The following IWS1 variants were observed in gnomAD, a reference collection of about 807,000 sequenced individuals.
IWS1 encodes the protein protein IWS1 homolog.
Under a neutral mutation model 86.7 loss-of-function variants are expected in IWS1, and 27 were observed. The ratio of observed to expected loss-of-function variants is 0.31; its 90% CI spans 0.23 to 0.43. IWS1 has a LOEUF of 0.43. IWS1 is among the 20% of genes least tolerant of loss of function. IWS1 has a pLI of 1.00. For missense variants in IWS1, 827 were observed against 1,000.8 expected (o/e 0.83, Z 2.34); for synonymous variants, 313 against 335.1 (o/e 0.93, Z 0.72).
chr2:127,500,817 T>A (rs968427899), intron 5 of IWS1, among the ~76,000 whole-genome samples: 2 of 152,218 alleles, frequency 1.3e-5, no homozygotes, highest in African/African-American at 4.8e-5. Flanking sequence ...CATTTTCGAC[T>A]GATTAGTTCT....
At position 127,489,572 on chromosome 2, in the gene IWS1, G is replaced by A. The variant is rs1690114865; in HGVS notation, c.2159+260C>T. ...ACCCAGAAAGTTGTTTTCTCAAGTG[G>A]ATGGAACAACACAAGCAATCAGTAT... On this transcript the variant is annotated intron_variant, in intron 11 of 13. Coordinates refer to ENST00000295321, the MANE Select transcript of IWS1 (RefSeq NM_017969.3). This position sits in a 1 kb window ranked among gnomAD's most constrained non-coding sequence, Gnocchi z 4.8. 1.9e-6 allele frequency: 1 copy of A among 523,846 alleles called. No individual in the cohort carries two copies. Among genetic ancestry groups the A allele is most frequent in the Non-Finnish European group, 3.4e-6 (1 of 297,960 alleles). The allele number at this position is 523,846 out of a possible 1,614,324, so 32.4% of individuals were successfully genotyped here. A position where few individuals can be genotyped will look rare whatever the true frequency, so the allele number is the denominator to read the frequency against.
Position 127,504,733 on chromosome 2 carries a change from C to T in IWS1, c.1170G>A (p.Ala390=), listed in dbSNP as rs200351673. 50 of 1,612,644 alleles carry T rather than the reference C, an allele frequency of 3.1e-5. No individual in the cohort carries two copies. The highest frequency in any genetic ancestry group is 6.7e-5 in the African/African-American group (5 of 74,890). Residue 390 remains alanine, a synonymous_variant, in exon 3 of 14, where the codon GCG becomes GCA. Coordinates refer to ENST00000295321, the MANE Select transcript of IWS1 (RefSeq NM_017969.3). ...DEKEGEEEKV[A]KRKAAVLSDS... is the part of the protein sequence containing the mutation. ...CAGAAAGCACAGCAGCTTTTCTCTT[C>T]GCTACTTTCTCCTCCTCACCCTCTT... is the stretch of plus-strand genomic sequence containing the variant.
intron 2 of IWS1, among the ~76,000 whole-genome samples, chr2:127,507,891 A>G (rs1691228240): frequency 6.6e-6 from 1 of 152,242 alleles, no homozygotes. Flanking sequence ...GTTTCATGTG[A>G]AAAATTATTT....
rs1300929184 is a variant in IWS1 at position 127,489,885 on chromosome 2, T to C, written c.2106A>G (p.Glu702=). 2 of 1,613,248 alleles carry C rather than the reference T, an allele frequency of 1.2e-6. No individual in the cohort carries two copies. The highest frequency in any genetic ancestry group is 8.5e-7 in the Non-Finnish European group (1 of 1,179,186). Residue 702 remains glutamate, a synonymous_variant, in exon 11 of 14, where the codon GAA becomes GAG. Coordinates refer to ENST00000295321, the MANE Select transcript of IWS1 (RefSeq NM_017969.3). The surrounding 1 kb of genome is among the most constrained non-coding windows in gnomAD (Gnocchi z 4.8). ...GTTCTAGATCTCTCTGCTCCCTTTC[T>C]TCTCTTGTCATTCCTTTGTAGTTTG... ...LTSNYKGMTR[E]EREQRDLEQM...
intron 2 of IWS1, among the ~76,000 whole-genome samples, chr2:127,520,499 T>C (rs2104742291): frequency 6.6e-6 from 1 of 152,320 alleles, no homozygotes; most frequent in East Asian, 1.9e-4. Context: ...AACCGTACTC[T>C]TTTAACATCC....
intron 13 of IWS1, among the ~76,000 whole-genome samples, chr2:127,481,581 G>A (rs1403171922): frequency 6.6e-6 from 1 of 152,116 alleles, no homozygotes; most frequent in Non-Finnish European, 1.5e-5. Context: ...GCATAAAAAA[G>A]AATGACCTAA....
chr2:127,516,464 A>G (rs898171215), intron 2 of IWS1, among the ~76,000 whole-genome samples: 1 of 152,202 alleles, frequency 6.6e-6, no homozygotes, highest in Non-Finnish European at 1.5e-5. Flanking sequence ...ACTAAATCAG[A>G]TATCTAAAGA....
At chr2:127,513,283 T>C (rs943312928) in intron 2 of IWS1, among the ~76,000 whole-genome samples, 5 of 152,178 alleles carry the variant, frequency 3.3e-5, no homozygotes, top group African/African-American at 9.7e-5. Context: ...TAACTTGATT[T>C]GGAAACCATA....
At chr2:127,496,387 T>C (rs893286581) in intron 6 of IWS1, among the ~76,000 whole-genome samples, 2 of 152,150 alleles carry the variant, frequency 1.3e-5, no homozygotes, top group Admixed American at 6.5e-5. Context: ...AAAAATATTT[T>C]TTATAAATTT....
Position 127,481,071 on chromosome 2 carries a change from G to C in IWS1, c.2433C>G (p.Ser811Arg). 6.2e-7 allele frequency: 1 copy of C among 1,611,748 alleles called. No individual in the cohort carries two copies. The highest frequency in any genetic ancestry group is 8.5e-7 in the Non-Finnish European group (1 of 1,179,238). The change falls in exon 14 of 14, where the codon AGC (serine) becomes AGG (arginine). Residue 811 changes from serine to arginine, a missense_variant. Ser to Arg is a moderately radical substitution (Grantham distance 110, BLOSUM62 -1). This residue lies in a region of IWS1 where 279 missense variants were observed against 440.6 expected (regional missense o/e 0.63). Transcript: ENST00000295321. ...ACAATGGCATTTTGTTGCCCTCAAT[G>C]CTGATTTTCACTGCGTGTGCAGATC... The part of the protein sequence containing the change: ...KSRSAHAVKI[S>R]IEGNKMPL
At chr2:127,525,433 GGGTGTATTTATTTAT>G (rs931379691) in intron 1 of IWS1, among the ~76,000 whole-genome samples, 5 of 152,164 alleles carry the variant, frequency 3.3e-5, no homozygotes, top group African/African-American at 1.2e-4. Flanking sequence ...GGTACATAGA[GGGTGTATTTATTTAT>G]GGTGTATTTA....
At chr2:127,507,237 T>A (rs1432527094) in intron 2 of IWS1, among the ~76,000 whole-genome samples, 1 of 152,194 alleles carries the variant, frequency 6.6e-6, no homozygotes. Context: ...CTAACCCAAG[T>A]ATGCTGTGTC....
intron 13 of IWS1, among the ~76,000 whole-genome samples, chr2:127,483,586 T>A (rs60892929): frequency 1.2e-4 from 2 of 17,100 alleles, no homozygotes; most frequent in Non-Finnish European, 2.1e-4. Context: ...CGGGGGGTGG[T>A]GGGGTGGGGG....
chr2:127,509,639 C>T (rs1205623062), intron 2 of IWS1, among the ~76,000 whole-genome samples: 2 of 126,078 alleles, frequency 1.6e-5, no homozygotes, highest in African/African-American at 6.0e-5. Context: ...ACCCAGGAAG[C>T]GGAGGTTGCA....
chr2:127,489,807 C>T lies in IWS1; in HGVS notation c.2159+25G>A. ...TACTGCAACAATAACGTGTATTCCA[C>T]TTACTCATACCTGTTCCCTCATACC... On this transcript the variant is annotated intron_variant, in intron 11 of 13. Coordinates refer to ENST00000295321, the MANE Select transcript of IWS1 (RefSeq NM_017969.3). This position sits in a 1 kb window ranked among gnomAD's most constrained non-coding sequence, Gnocchi z 4.8. 8.0e-7 allele frequency: 1 copy of T among 1,250,512 alleles called. No homozygotes were observed. The highest frequency in any genetic ancestry group is 1.2e-5 in the South Asian group (1 of 83,230). 77.5% of individuals were successfully genotyped at this position (1,250,512 alleles called of 1,614,324 possible).
Position 127,505,924 on chromosome 2 carries a change from G to A in IWS1, c.151-172C>T. On this transcript the variant is annotated intron_variant, in intron 2 of 13. Coordinates refer to ENST00000295321, the MANE Select transcript of IWS1 (RefSeq NM_017969.3). The surrounding 1 kb of genome is among the most constrained non-coding windows in gnomAD (Gnocchi z 5.0). ...ACACCCCCACAGAAAGCCAATCAGT[G>A]AAATGGTTTTATTTGGATCCCCAAA... 1 of 480,906 alleles carries A rather than the reference G, an allele frequency of 2.1e-6. No individual in the cohort carries two copies. The highest frequency in any genetic ancestry group is 3.6e-6 in the Non-Finnish European group (1 of 277,164). 29.8% of individuals were successfully genotyped at this position (480,906 alleles called of 1,614,324 possible).
chr2:127,487,884 A>G (rs1035654772), intron 12 of IWS1: 1 of 152,242 alleles, frequency 6.6e-6, no homozygotes, highest in Non-Finnish European at 1.5e-5. Context: ...TATATATATG[A>G]ACAGACTAAT....
At chr2:127,508,198 G>A (rs753339262) in intron 2 of IWS1, among the ~76,000 whole-genome samples, 13 of 152,154 alleles carry the variant, frequency 8.5e-5, no homozygotes, top group South Asian at 2.1e-4. Flanking sequence ...GAATCCAGGC[G>A]GAGTATGTCA....
chr2:127,524,558 GAC>G (rs1039893331), intron 1 of IWS1, among the ~76,000 whole-genome samples: 12 of 149,000 alleles, frequency 8.1e-5, no homozygotes, highest in African/African-American at 2.7e-4. Flanking sequence ...TTTTTTTGGA[GAC>G]ACAGTTTTGC....
Sources: gnomAD v4.1 joint callset for allele counts (sites outside exome capture counted in the v4.1 genomes callset) on GRCh38, gnomAD v4.1.1 for gene constraint, gnomAD v4.1.1 regional missense constraint, Gnocchi (gnomAD v3.1) non-coding constraint, MANE v1.5 for transcripts, NCBI Gene and HGNC (gene_info 2026-07-23, HGNC 2026-07-21) for gene names.